LRP1B: variants seen among roughly 807,000 people sequenced by gnomAD.
LRP1B encodes low-density lipoprotein receptor-related protein 1B.
Under a neutral mutation model 556.6 loss-of-function variants are expected in LRP1B, and 217 were observed. That is an observed-to-expected ratio of 0.39 (90% CI 0.35 to 0.44). LRP1B has a LOEUF of 0.44. Among genes scored for constraint, LRP1B ranks in the 20% least tolerant of loss-of-function variants. LRP1B has a pLI of 1.00. For synonymous variants in LRP1B, 2,047 were observed against 1,865.8 expected (o/e 1.10, Z -2.50); for missense variants, 5,053 against 5,620.8 (o/e 0.90, Z 3.23).
At chr2:142,122,353 T>A (rs1471969235) in intron 1 of LRP1B, among the ~76,000 whole-genome samples, 1 of 152,164 alleles carries the variant, frequency 6.6e-6, no homozygotes, top group Non-Finnish European at 1.5e-5. Flanking sequence ...AACTGTAGAA[T>A]TGAGTGTAAT....
At chr2:140,349,806 G>T (rs1291750164) in intron 77 of LRP1B, among the ~76,000 whole-genome samples, 1 of 152,026 alleles carries the variant, frequency 6.6e-6, no homozygotes, top group Non-Finnish European at 1.5e-5. Flanking sequence ...GAACAATTCT[G>T]GTATACATGG....
intron 2 of LRP1B, among the ~76,000 whole-genome samples, chr2:141,801,094 G>A (rs7598992): frequency 0.23 from 35,559 of 151,894 alleles, 4,378 homozygotes; most frequent in East Asian, 0.39. Flanking sequence ...AATTACATAG[G>A]CTTTATTGCC....
At chr2:142,064,874 T>C (rs1705050258) in intron 1 of LRP1B, among the ~76,000 whole-genome samples, 1 of 151,672 alleles carries the variant, frequency 6.6e-6, no homozygotes, top group South Asian at 2.1e-4. Flanking sequence ...CATTGCTTTA[T>C]TGTTCAGTTA....
intron 62 of LRP1B, 85 bp from the exon 63 acceptor site, chr2:140,450,746 G>T: frequency 1.1e-6 from 1 of 871,328 alleles, no homozygotes; most frequent in Non-Finnish European, 1.8e-6. Context: ...ACACAGCCTA[G>T]TCTACTTTTT....
At chr2:141,653,262 A>G (rs1689867505) in intron 2 of LRP1B, among the ~76,000 whole-genome samples, 1 of 152,164 alleles carries the variant, frequency 6.6e-6, no homozygotes, top group Admixed American at 6.6e-5. Context: ...TCAATGCTGT[A>G]GTTTAGAGGA....
At chr2:141,257,629 A>G (rs1684525200) in intron 3 of LRP1B, among the ~76,000 whole-genome samples, 2 of 152,186 alleles carry the variant, frequency 1.3e-5, no homozygotes, top group Admixed American at 1.3e-4. Flanking sequence ...TGAAAATAGC[A>G]AAATATAGAA....
intron 23 of LRP1B, among the ~76,000 whole-genome samples, chr2:140,889,285 A>C: frequency 6.6e-6 from 1 of 152,078 alleles, no homozygotes; most frequent in East Asian, 1.9e-4. Flanking sequence ...CTTCCTATAT[A>C]CTGTAATTAT....
chr2:141,138,891 A>G (rs1395633330), intron 7 of LRP1B, among the ~76,000 whole-genome samples: 1 of 151,966 alleles, frequency 6.6e-6, no homozygotes, highest in Admixed American at 6.6e-5. Context: ...AATTTGAAAG[A>G]CCTAGAATAG....
intron 1 of LRP1B, among the ~76,000 whole-genome samples, chr2:141,955,315 A>G (rs1232099133): frequency 5.9e-5 from 9 of 152,076 alleles, no homozygotes; most frequent in African/African-American, 1.9e-4. Context: ...CTACCACATA[A>G]TAGTTTTATG....
intron 3 of LRP1B, among the ~76,000 whole-genome samples, chr2:141,352,733 T>C: frequency 6.6e-6 from 1 of 151,960 alleles, no homozygotes; most frequent in Non-Finnish European, 1.5e-5. Flanking sequence ...AACAAATGTT[T>C]ATTTAAAGTG....
intron 3 of LRP1B, among the ~76,000 whole-genome samples, chr2:141,406,007 G>A (rs996124970): frequency 3.9e-5 from 6 of 151,992 alleles, no homozygotes; most frequent in African/African-American, 1.4e-4. Context: ...CAAGTATGAT[G>A]TATGGTTAAC....
rs79438632 is a variant in LRP1B, at chr2:141,041,563, T to C, written c.1789+7423A>G. ...CCTTATAAATTTCCTTGTGATTACA[T>C]TTAGAGTACCTCCAGATAAGTCAAG... On this transcript the variant is annotated intron_variant, in intron 11 of 90. Transcript: ENST00000389484. 0.019 allele frequency among the ~76,000 whole-genome samples: 2,846 copies of C among 152,194 alleles called. 130 individuals are homozygous for C. The East Asian group carries it at 0.19, about 10-fold the overall frequency.
chr2:141,702,951 C>T (rs1274249577), intron 2 of LRP1B, among the ~76,000 whole-genome samples: 2 of 151,846 alleles, frequency 1.3e-5, no homozygotes, highest in Non-Finnish European at 2.9e-5. Flanking sequence ...CATAAGTGAG[C>T]TCATTAAAAG....
At chr2:140,237,441 A>G (rs1216343807) in intron 89 of LRP1B, among the ~76,000 whole-genome samples, 1 of 150,994 alleles carries the variant, frequency 6.6e-6, no homozygotes. Context: ...TGCTGTAAAA[A>G]TCATGGAAGT....
intron 25 of LRP1B, among the ~76,000 whole-genome samples, chr2:140,875,500 C>T (rs1693277667): frequency 6.6e-6 from 1 of 152,162 alleles, no homozygotes. Flanking sequence ...AGTCTCCTCT[C>T]TCAAATAATG....
chr2:141,198,722 A>T (rs1681866896), intron 6 of LRP1B, among the ~76,000 whole-genome samples: 1 of 152,128 alleles, frequency 6.6e-6, no homozygotes, highest in African/African-American at 2.4e-5. Flanking sequence ...AGATGCACTT[A>T]GAAAAGACTC....
chr2:142,129,087 G>T (rs1451049359), intron 1 of LRP1B, among the ~76,000 whole-genome samples: 1 of 152,136 alleles, frequency 6.6e-6, no homozygotes, highest in Non-Finnish European at 1.5e-5. Context: ...AGCATACTGG[G>T]CTGAAAATCT....
Position 142,035,846 on chromosome 2 carries a change from G to A in LRP1B, c.82+94802C>T, listed in dbSNP as rs1005255150. Among the ~76,000 whole-genome samples the A allele has an allele frequency of 5.3e-5, 8 of 151,790 alleles. No individual in the cohort carries two copies. The East Asian group carries it at 1.6e-3, about 30-fold the overall frequency. ...ATCTCCCAGAATTCCCACGTGTGAT[G>A]GGAGGAACCCAGTGGGAGGTAATTG... On this transcript the variant is annotated intron_variant, in intron 1 of 90. Coordinates refer to ENST00000389484, the MANE Select transcript of LRP1B (RefSeq NM_018557.3).
At position 140,371,181 on chromosome 2, in the gene LRP1B, C is replaced by A; in HGVS notation, c.10873G>T (p.Glu3625Ter). ...GEYDCADGSD[E>*]MDCVTECKED... ...TTTAATTAAACAATATATTTTACCTCATCTGAACCATCAGCACAATCATAT... is the reference window on the plus strand; with the variant it reads ...TTTAATTAAACAATATATTTTACCTAATCTGAACCATCAGCACAATCATAT... Residue 3625 changes from glutamate to a stop codon, truncating the protein, a stop_gained and splice_region_variant, in exon 70 of 91, where the codon GAG (glutamate) becomes TAG (stop). Coordinates refer to ENST00000389484, the MANE Select transcript of LRP1B (RefSeq NM_018557.3). LOFTEE classifies it high-confidence loss of function. 1 of 1,564,276 alleles carries A rather than the reference C, an allele frequency of 6.4e-7. No individual in the cohort carries two copies. Among genetic ancestry groups the A allele is most frequent in the Non-Finnish European group, 8.7e-7 (1 of 1,150,818 alleles).
Sources: allele counts gnomAD v4.1 joint callset (sites outside exome capture counted in the v4.1 genomes callset), GRCh38; gene constraint gnomAD v4.1.1; transcripts MANE v1.5; gene names NCBI Gene and HGNC (gene_info 2026-07-23, HGNC 2026-07-21).